Variants in MYH7 observed in about 807,000 individuals in gnomAD.
MYH7 encodes the protein myosin heavy chain 7, also known as myosin-7.
A neutral mutation model predicts 225.4 loss-of-function variants in MYH7; 129 were observed. That is an observed-to-expected ratio of 0.57 (90% CI 0.50 to 0.66). The LOEUF (loss-of-function observed/expected upper bound fraction) is 0.66. Among genes scored for constraint, MYH7 ranks in the 30% least tolerant of loss-of-function variants. The pLI is 0.00. For missense variants in MYH7, 1,649 were observed against 2,517.0 expected (o/e 0.66, Z 7.38); for synonymous variants, 971 against 1,007.6 (o/e 0.96, Z 0.69).
intron 9 of MYH7, among the ~76,000 whole-genome samples, 173 bp downstream of exon 9, chr14:23,431,245 G>A (rs1403285647): frequency 6.6e-6 from 1 of 152,152 alleles, no homozygotes; most frequent in East Asian, 1.9e-4. Context: ...GAAAGATGCA[G>A]AGGAAGTCTC....
Position 23,421,009 on chromosome 14 carries a change from C to A in MYH7, c.3285G>T (p.Glu1095Asp). 2.5e-6 allele frequency: 4 copies of A among 1,612,842 alleles called. No individual in the cohort carries two copies. Among genetic ancestry groups the A allele is most frequent in the Non-Finnish European group, 3.4e-6 (4 of 1,180,008 alleles). The change falls in exon 26 of 40, where the codon GAG (glutamate) becomes GAT (aspartate). Residue 1095 changes from glutamate (E) to aspartate (D), a missense_variant. Transcript: ENST00000355349. ...FELNALNARI[E>D]DEQALGSQLQ... ...GCTGGCTGCCGAGGGCCTGTTCATC[C>A]TCAATCCTTGCGTTGAGAGCATTCA... is the stretch of plus-strand genomic sequence containing the variant.
At chr14:23,432,590 C>A in intron 5 of MYH7, 49 bp downstream of exon 5, 3 of 1,614,196 alleles carry the variant, frequency 1.9e-6, no homozygotes, top group Non-Finnish European at 2.5e-6. Context: ...CCCTCTCCCT[C>A]CCGGCCTATC....
chr14:23,431,113 A>G (rs1471597431), intron 9 of MYH7, 114 bp from the exon 10 acceptor site: 1 of 792,640 alleles, frequency 1.3e-6, no homozygotes, highest in African/African-American at 1.7e-5. Context: ...AGCCAGAGAG[A>G]CTAGTTGGAC....
At chr14:23,422,158 C>T (rs1371535417) in intron 25 of MYH7, 22 bp downstream of exon 25, 11 of 1,612,194 alleles carry the variant, frequency 6.8e-6, no homozygotes, top group South Asian at 1.1e-5. Flanking sequence ...GGAGGAAGGG[C>T]AGCAGGGAGG....
chr14:23,427,637 A>C lies in MYH7; in HGVS notation c.1836T>G (p.Ser612=), dbSNP rs1444724812. 6.2e-7 allele frequency: 1 copy of C among 1,614,194 alleles called. No individual in the cohort carries two copies. The highest frequency in any genetic ancestry group is 1.1e-5 in the South Asian group (1 of 91,086). The change falls in exon 16 of 40, where the codon TCT becomes TCG. Residue 612 remains serine, a synonymous_variant. Coordinates refer to ENST00000355349, the MANE Select transcript of MYH7 (RefSeq NM_000257.4). ...ACAGGGTGCTGAGCAGCTTGAGGGA[A>C]GACTTCTGATACAAGCCCACGACAG... ...NETVVGLYQK[S]SLKLLSTLFA...
At chr14:23,421,097 G>T (rs1892457040) in intron 25 of MYH7, 49 bp from the exon 26 acceptor site, 1 of 1,393,272 alleles carries the variant, frequency 7.2e-7, no homozygotes, top group Non-Finnish European at 1.0e-6. Context: ...TGGGGCCTCA[G>T]GAGGGTCCAC....
Position 23,425,520 on chromosome 14 carries a change from GGGA to G in MYH7, c.2287-105_2287-103del. The stretch of plus-strand genomic sequence containing the variant: ...GGTAACAGCCTAGAAAAGGATTGCA[GGGA>G]GGAGGTCAATGGCAGCTGGAGCTGG... On this transcript the variant is annotated intron_variant, in intron 20 of 39. Transcript: ENST00000355349. The surrounding 1 kb of genome is among the most constrained non-coding windows in gnomAD (Gnocchi z 4.6). 1.9e-6 allele frequency: 3 copies of G among 1,594,810 alleles called. No individual in the cohort carries two copies. The highest frequency in any genetic ancestry group is 2.2e-5 in the South Asian group (2 of 89,934).
At chr14:23,413,961 C>A in intron 38 of MYH7, 46 bp downstream of exon 38, 1 of 1,614,144 alleles carries the variant, frequency 6.2e-7, no homozygotes, top group Non-Finnish European at 8.5e-7. Flanking sequence ...GGGGGACGAG[C>A]TCTCCTATGC....
At position 23,424,886 on chromosome 14, in the gene MYH7, C is replaced by G; in HGVS notation, c.2562G>C (p.Glu854Asp). 1 of 1,614,230 alleles carries G rather than the reference C, an allele frequency of 6.2e-7. No homozygotes were observed. Among genetic ancestry groups the G allele is most frequent in the Non-Finnish European group, 8.5e-7 (1 of 1,180,028 alleles). ...EREKEMASMK[E>D]EFTRLKEALE... The stretch of plus-strand genomic sequence containing the variant: ...GCGCCTCTTTGAGGCGTGTGAACTC[C>G]TCCTTCATGGAGGCCATCTCCTTCT... The change falls in exon 22 of 40, where the codon GAG becomes GAC. Residue 854 changes from glutamate to aspartate, a missense_variant. Transcript: ENST00000355349.
intron 29 of MYH7, 81 bp from the exon 30 acceptor site, chr14:23,418,487 T>TCTCA (rs778046607): frequency 2.8e-5 from 40 of 1,454,286 alleles, no homozygotes; most frequent in Non-Finnish European, 3.6e-5. Context: ...CTCACCCCAA[T>TCTCA]CTCAACATCA....
chr14:23,418,619 T>C (rs1012848230), intron 29 of MYH7, among the ~76,000 whole-genome samples: 1 of 152,218 alleles, frequency 6.6e-6, no homozygotes, highest in Non-Finnish European at 1.5e-5. Context: ...CCATTGGCCC[T>C]GAGCTCCTCC....
chr14:23,418,091 C>T, intron 30 of MYH7, 119 bp downstream of exon 30: 1 of 1,466,794 alleles, frequency 6.8e-7, no homozygotes, highest in Non-Finnish European at 9.6e-7. Flanking sequence ...GGGCAGAGTC[C>T]TCCTGTGTTG....
chr14:23,420,972 G>C lies in MYH7; in HGVS notation c.3322C>G (p.Leu1108Val). The change falls in exon 26 of 40, where the codon CTC (leucine) becomes GTC (valine). Residue 1108 changes from leucine to valine, a missense_variant. Leu to Val is a conservative substitution (Grantham distance 32). Transcript: ENST00000355349. ...QALGSQLQKK[L>V]KELQARIEEL... is the part of the protein sequence containing the mutation. ...CCAGACCTCACCTGAAGCTCCTTGA[G>C]CTTCTTCTGCAGCTGGCTGCCGAGG... 3 of 1,612,254 alleles carry C rather than the reference G, an allele frequency of 1.9e-6. No homozygotes were observed. Among genetic ancestry groups the C allele is most frequent in the Non-Finnish European group, 2.5e-6 (3 of 1,179,946 alleles).
At chr14:23,422,474 G>A (rs748580904) in intron 24 of MYH7, 149 bp from the exon 25 acceptor site, 69 of 1,006,970 alleles carry the variant, frequency 6.9e-5, no homozygotes, top group Non-Finnish European at 1.0e-4. Flanking sequence ...AGGGGACTGT[G>A]AGATTGCCTA....
rs201307101 is a variant in MYH7 at position 23,417,295 on chromosome 14, C to G, written c.4377G>C (p.Lys1459Asn). Residue 1459 changes from lysine to asparagine, a missense_variant, in exon 32 of 40, where the codon AAG becomes AAC. Lys to Asn is a moderately conservative substitution (Grantham distance 94). This residue lies in a region of MYH7 where 687 missense variants were observed against 913.8 expected (regional missense o/e 0.75). Coordinates refer to ENST00000355349, the MANE Select transcript of MYH7 (RefSeq NM_000257.4). The stretch of plus-strand genomic sequence containing the variant: ...CCAGCTCCGACTGCGACTCCTCATA[C>G]TTCTGCTTCCACTCGGCCAGGATCT... The part of the protein sequence containing the change: ...FDKILAEWKQ[K>N]YEESQSELES... The G allele has an allele frequency of 6.2e-7, 1 of 1,614,142 alleles. No individual in the cohort carries two copies. Among genetic ancestry groups the G allele is most frequent in the Non-Finnish European group, 8.5e-7 (1 of 1,180,034 alleles).
chr14:23,420,550 G>A (rs147697314), intron 26 of MYH7, among the ~76,000 whole-genome samples: 24 of 152,318 alleles, frequency 1.6e-4, no homozygotes, highest in African/African-American at 4.3e-4. Flanking sequence ...TGAGAGAGCC[G>A]TATTTGTCTG....
At chr14:23,414,913 G>T in intron 37 of MYH7, 82 bp downstream of exon 37, 1 of 1,597,192 alleles carries the variant, frequency 6.3e-7, no homozygotes, top group South Asian at 1.1e-5. Context: ...AAGAGGCTAA[G>T]AGCAAACTCT....
Position 23,412,821 on chromosome 14 carries a change from C to T in MYH7, c.*33G>A, listed in dbSNP as rs769207096. 3.7e-6 allele frequency: 6 copies of T among 1,613,790 alleles called. No homozygotes were observed. The highest frequency in any genetic ancestry group is 2.2e-5 in the South Asian group (2 of 91,082). On this transcript the variant is annotated 3_prime_UTR_variant, in exon 40 of 40. Coordinates refer to ENST00000355349, the MANE Select transcript of MYH7 (RefSeq NM_000257.4). ...CTCCAGCATGGGGCTTTGCTGGCAC[C>T]TCCAGGGCTGAGCAGATCAAGATGT...
Position 23,424,884 on chromosome 14 carries a change from T to TTTGAGG in MYH7, c.2563_2564insCCTCAA (p.Glu855delinsAlaSerLys). On this transcript the variant is annotated protein_altering_variant, in exon 22 of 40. Transcript: ENST00000355349. ...TAGCGCCTCTTTGAGGCGTGTGAAC[T>TTTGAGG]CCTCCTTCATGGAGGCCATCTCCTT... 2 of 1,614,220 alleles carry TTTGAGG rather than the reference T, an allele frequency of 1.2e-6. No homozygotes were observed. Among genetic ancestry groups the TTTGAGG allele is most frequent in the Non-Finnish European group, 1.7e-6 (2 of 1,180,046 alleles).
Sources: gnomAD v4.1 joint callset for allele counts (sites outside exome capture counted in the v4.1 genomes callset) on GRCh38, gnomAD v4.1.1 for gene constraint, gnomAD v4.1.1 regional missense constraint, Gnocchi (gnomAD v3.1) non-coding constraint, MANE v1.5 for transcripts, NCBI Gene and HGNC (gene_info 2026-07-23, HGNC 2026-07-21) for gene names.